The following EPC2 variants were observed in gnomAD, a reference collection of about 807,000 sequenced individuals.
EPC2 encodes the protein enhancer of polycomb 2.
EPC2 carries 14 observed loss-of-function variants against 92.1 expected under a neutral mutation model. The ratio of observed to expected loss-of-function variants is 0.15; its 90% CI spans 0.10 to 0.24. EPC2 has a LOEUF of 0.24. Among genes scored for constraint, EPC2 ranks in the 10% least tolerant of loss-of-function variants. EPC2 has a pLI of 1.00. For missense variants in EPC2, 755 were observed against 971.5 expected, an observed-to-expected ratio of 0.78 and a Z score of 2.96; for synonymous variants, 340 against 334.7, an observed-to-expected ratio of 1.02 and a Z score of -0.17.
intron 2 of EPC2, among the ~76,000 whole-genome samples, chr2:148,697,485 G>A (rs559629287): frequency 6.6e-6 from 1 of 152,250 alleles, no homozygotes; most frequent in South Asian, 2.1e-4. Flanking sequence ...GGAGAAACTT[G>A]AAGAAAAGGG....
intron 2 of EPC2, among the ~76,000 whole-genome samples, chr2:148,734,920 T>A (rs879427342): frequency 6.6e-6 from 1 of 152,014 alleles, no homozygotes; most frequent in Non-Finnish European, 1.5e-5. Context: ...GTTTTTTTTT[T>A]ATCATTGAAG....
At position 148,644,983 on chromosome 2, in the gene EPC2, C is replaced by T; in HGVS notation, c.-35C>T. 1.3e-6 allele frequency: 2 copies of T among 1,540,232 alleles called. No individual in the cohort carries two copies. Among genetic ancestry groups the T allele is most frequent in the East Asian group, 2.5e-5 (1 of 40,162 alleles). On this transcript the variant is annotated 5_prime_UTR_variant, in exon 1 of 14. Coordinates refer to ENST00000258484, the MANE Select transcript of EPC2 (RefSeq NM_015630.4). ...CCCCCCTCCCCGCCCGCCCCGCCGCCGCCGCCCGGGCTGTTCCTGTAAGGC... is the reference window on the plus strand; with the variant it reads ...CCCCCCTCCCCGCCCGCCCCGCCGCTGCCGCCCGGGCTGTTCCTGTAAGGC...
At chr2:148,687,296 G>A (rs1681547399) in intron 1 of EPC2, among the ~76,000 whole-genome samples, 1 of 152,196 alleles carries the variant, frequency 6.6e-6, no homozygotes, top group African/African-American at 2.4e-5. Flanking sequence ...TGGCTTACGG[G>A]AATGTTGTGG....
intron 5 of EPC2, 64 bp downstream of exon 5, chr2:148,761,994 A>T: frequency 7.1e-7 from 1 of 1,406,936 alleles, no homozygotes; most frequent in South Asian, 1.4e-5. Context: ...AAAATGAACC[A>T]AAAGATTTTT....
At chr2:148,737,851 A>G (rs911664729) in intron 2 of EPC2, among the ~76,000 whole-genome samples, 1 of 152,006 alleles carries the variant, frequency 6.6e-6, no homozygotes, top group African/African-American at 2.4e-5. Flanking sequence ...TAATGTTTTA[A>G]GAAAGTTTAC....
intron 2 of EPC2, among the ~76,000 whole-genome samples, chr2:148,743,412 C>G (rs959695438): frequency 2.0e-5 from 3 of 152,020 alleles, no homozygotes; most frequent in Non-Finnish European, 4.4e-5. Context: ...TATTTCTTAA[C>G]GTTTTTACTG....
Position 148,761,840 on chromosome 2 carries a change from G to A in EPC2, c.725G>A (p.Ser242Asn), listed in dbSNP as rs1683305068. Residue 242 changes from serine (S) to asparagine (N), a missense_variant, in exon 5 of 14, where the codon AGT becomes AAT. Coordinates refer to ENST00000258484, the MANE Select transcript of EPC2 (RefSeq NM_015630.4). Reference protein sequence around the residue: ...EKMLKLRREFSRAITILEMIK... With the variant: ...EKMLKLRREFNRAITILEMIK... The stretch of plus-strand genomic sequence containing the variant: ...ATGTTGAAACTGAGACGAGAATTTA[G>A]TAGAGCCATAACAATTTTGGAAATG... 1.9e-6 allele frequency: 3 copies of A among 1,592,902 alleles called. No homozygotes were observed. The highest frequency in any genetic ancestry group is 1.3e-5 in the African/African-American group (1 of 74,150).
chr2:148,655,606 A>G (rs1559138950), intron 1 of EPC2, among the ~76,000 whole-genome samples: 1 of 152,176 alleles, frequency 6.6e-6, no homozygotes. Flanking sequence ...TAGGAATTGA[A>G]GGAAATGTTA....
chr2:148,691,649 C>A, intron 2 of EPC2: 6 of 1,540,420 alleles, frequency 3.9e-6, no homozygotes, highest in Non-Finnish European at 5.3e-6. Context: ...AACCGGAGAC[C>A]ACGTTAAAGT....
chr2:148,645,202 C>T (rs746016518), intron 1 of EPC2, 32 bp downstream of exon 1: 19 of 1,481,872 alleles, frequency 1.3e-5, no homozygotes, highest in Admixed American at 2.0e-5. Context: ...ACCCCCCCTT[C>T]CCTCCTCCCC....
intron 2 of EPC2, among the ~76,000 whole-genome samples, chr2:148,735,975 G>A (rs1682745398): frequency 6.6e-6 from 1 of 151,936 alleles, no homozygotes; most frequent in Non-Finnish European, 1.5e-5. Flanking sequence ...TCTTTTCTAT[G>A]TACTGTATTT....
chr2:148,763,588 C>T (rs539284561), intron 6 of EPC2, among the ~76,000 whole-genome samples: 3 of 152,122 alleles, frequency 2.0e-5, no homozygotes, highest in Admixed American at 6.6e-5. Context: ...ACACAGTTCT[C>T]ATTTTTCATG....
intron 2 of EPC2, among the ~76,000 whole-genome samples, chr2:148,720,370 G>C (rs1380060244): frequency 6.6e-6 from 1 of 152,188 alleles, no homozygotes; most frequent in Non-Finnish European, 1.5e-5. Context: ...TGGCTGCTTG[G>C]AATTCCAAGC....
At chr2:148,749,994 A>C (rs564136476) in intron 3 of EPC2, among the ~76,000 whole-genome samples, 1 of 152,268 alleles carries the variant, frequency 6.6e-6, no homozygotes, top group East Asian at 1.9e-4. Context: ...TAGTTTCAGC[A>C]TCAGTGATCT....
intron 2 of EPC2, among the ~76,000 whole-genome samples, chr2:148,691,086 C>G (rs1053672375): frequency 6.6e-6 from 1 of 152,120 alleles, no homozygotes; most frequent in African/African-American, 2.4e-5. Flanking sequence ...TGTAGTTCTG[C>G]CTCCTTAATA....
chr2:148,768,283 A>ATTTTTTTAT (rs1683453859), intron 7 of EPC2, among the ~76,000 whole-genome samples: 1 of 152,216 alleles, frequency 6.6e-6, no homozygotes, highest in African/African-American at 2.4e-5. Flanking sequence ...AATTTTAATA[A>ATTTTTTTAT]TTATGGGTGG....
intron 11 of EPC2, among the ~76,000 whole-genome samples, chr2:148,782,303 G>C (rs1346938459): frequency 6.6e-6 from 1 of 152,068 alleles, no homozygotes; most frequent in South Asian, 2.1e-4. Context: ...TTGGGCGGCC[G>C]AGGCGGGCAG....
In EPC2 at chr2:148,771,397, T is replaced by TG. The variant is rs1558836074; in HGVS notation, c.1720+11dup. 6.4e-7 allele frequency: 1 copy of TG among 1,569,090 alleles called. No homozygotes were observed. Among genetic ancestry groups the TG allele is most frequent in the Non-Finnish European group, 8.6e-7 (1 of 1,160,554 alleles). ...AAGAATGGCATATCAGGTAAGCTGT[T>TG]GCTGTGTTAAAAGTATATCCTGCTA... On this transcript the variant is annotated intron_variant, in intron 10 of 13. Transcript: ENST00000258484.
At chr2:148,751,867 G>A (rs1397708641) in intron 3 of EPC2, among the ~76,000 whole-genome samples, 1 of 151,976 alleles carries the variant, frequency 6.6e-6, no homozygotes, top group Admixed American at 6.6e-5. Context: ...TCATAAAATA[G>A]AAAGTTGCTT....
Sources: gnomAD v4.1 joint callset for allele counts (sites outside exome capture counted in the v4.1 genomes callset) on GRCh38, gnomAD v4.1.1 for gene constraint, MANE v1.5 for transcripts, NCBI Gene and HGNC (gene_info 2026-07-23, HGNC 2026-07-21) for gene names.